Variants in FOXK2 observed in about 807,000 individuals in gnomAD.
FOXK2 encodes the protein forkhead box protein K2.
A neutral mutation model predicts 53.3 loss-of-function variants in FOXK2; 24 were observed. The observed-to-expected ratio is 0.45, with a 90% CI of 0.33 to 0.63. The LOEUF (loss-of-function observed/expected upper bound fraction) is 0.63, where lower values mean the gene tolerates loss of function less well. Among genes scored for constraint, FOXK2 ranks in the 30% least tolerant of loss-of-function variants. FOXK2 has a pLI of 0.03. For missense variants in FOXK2, 952 were observed against 910.5 expected (o/e 1.05, Z -0.59); for synonymous variants, 505 against 407.1 (o/e 1.24, Z -2.89).
At chr17:82,562,323 G>A (rs986868699) in intron 1 of FOXK2, among the ~76,000 whole-genome samples, 1 of 152,212 alleles carries the variant, frequency 6.6e-6, no homozygotes. Flanking sequence ...GCTCACGCCT[G>A]TAATCCCAGC....
chr17:82,533,169 A>C (rs2044488397), intron 1 of FOXK2, among the ~76,000 whole-genome samples: 1 of 152,186 alleles, frequency 6.6e-6, no homozygotes, highest in Non-Finnish European at 1.5e-5. Flanking sequence ...AAATAAGTAG[A>C]AGCAGTATAC....
Position 82,604,521 on chromosome 17 carries a change from T to C in FOXK2, c.*3022T>C, listed in dbSNP as rs1276903143. ...ACTTCCACTATTCTAGAAAGTATAG[T>C]GGTGATTTGTGTGCAAAGATTTGAA... is the stretch of plus-strand genomic sequence containing the variant. On this transcript the variant is annotated 3_prime_UTR_variant, in exon 9 of 9. Coordinates refer to ENST00000335255, the MANE Select transcript of FOXK2 (RefSeq NM_004514.4). 6.6e-6 allele frequency: 1 copy of C among 152,594 alleles called. No individual in the cohort carries two copies. The highest frequency in any genetic ancestry group is 1.5e-5 in the Non-Finnish European group (1 of 68,030). The allele number at this position is 152,594 out of a possible 1,614,324, so 9.5% of individuals were successfully genotyped here.
intron 1 of FOXK2, among the ~76,000 whole-genome samples, chr17:82,539,871 C>T (rs543688820): frequency 1.3e-5 from 2 of 151,368 alleles, no homozygotes; most frequent in East Asian, 3.9e-4. Context: ...GAGGCAGAGG[C>T]AGGAGAATCT....
chr17:82,541,699 A>G (rs2044576112), intron 1 of FOXK2, among the ~76,000 whole-genome samples: 1 of 151,524 alleles, frequency 6.6e-6, no homozygotes, highest in Non-Finnish European at 1.5e-5. Flanking sequence ...TACCTGTTTC[A>G]AGAGGTAGGA....
intron 2 of FOXK2, 71 bp from the exon 3 acceptor site, chr17:82,567,983 C>T: frequency 8.2e-7 from 1 of 1,221,234 alleles, no homozygotes; most frequent in Non-Finnish European, 1.1e-6. Context: ...GTAATTAAAG[C>T]CAGTTGCTGA....
intron 4 of FOXK2, 148 bp downstream of exon 4, chr17:82,572,018 C>T (rs375892673): frequency 9.6e-5 from 65 of 674,326 alleles, no homozygotes; most frequent in East Asian, 5.0e-4. Flanking sequence ...AGTTGGGGGC[C>T]GGTGCTGCCA....
intron 1 of FOXK2, among the ~76,000 whole-genome samples, chr17:82,549,453 C>G (rs1444903953): frequency 6.6e-6 from 1 of 150,942 alleles, no homozygotes; most frequent in African/African-American, 2.4e-5. Flanking sequence ...GGAGAGGGGC[C>G]AAAACCCCCA....
intron 1 of FOXK2, among the ~76,000 whole-genome samples, chr17:82,552,962 G>A (rs1178379743): frequency 1.3e-5 from 2 of 152,244 alleles, no homozygotes; most frequent in African/African-American, 4.8e-5. Context: ...TTTGGAGACA[G>A]TCTTGCTCTG....
intron 1 of FOXK2, among the ~76,000 whole-genome samples, chr17:82,559,663 C>G (rs2044772121): frequency 6.7e-6 from 1 of 150,058 alleles, no homozygotes; most frequent in Non-Finnish European, 1.5e-5. Flanking sequence ...TACACACACA[C>G]CACCCCCCAC....
intron 1 of FOXK2, among the ~76,000 whole-genome samples, chr17:82,545,251 G>A (rs943934182): frequency 2.0e-5 from 3 of 152,054 alleles, no homozygotes; most frequent in Admixed American, 6.6e-5. Flanking sequence ...TCCCAGCCAG[G>A]GCCTCCCACT....
At chr17:82,560,178 T>G (rs1463908147) in intron 1 of FOXK2, among the ~76,000 whole-genome samples, 1 of 151,900 alleles carries the variant, frequency 6.6e-6, no homozygotes, top group Non-Finnish European at 1.5e-5. Context: ...GCTTATTTTT[T>G]TTTGTATTTT....
At chr17:82,575,925 T>C (rs62078138) in intron 4 of FOXK2, among the ~76,000 whole-genome samples, 27,417 of 101,308 alleles carry the variant, frequency 0.27, 2,715 homozygotes, top group East Asian at 0.39. Flanking sequence ...CGTGTGTGCT[T>C]GGGTGGCGGC....
intron 1 of FOXK2, among the ~76,000 whole-genome samples, chr17:82,562,959 C>G (rs2044812812): frequency 6.6e-6 from 1 of 152,014 alleles, no homozygotes; most frequent in African/African-American, 2.4e-5. Flanking sequence ...GCATGCACCA[C>G]CACGCCTGGC....
rs1350630678 is a variant in FOXK2, at chr17:82,601,295, C to A, written c.1787-8C>A. 2 of 1,607,136 alleles carry A rather than the reference C, an allele frequency of 1.2e-6. No homozygotes were observed. The highest frequency in any genetic ancestry group is 1.3e-5 in the African/African-American group (1 of 74,826). Reference sequence around the variant, plus strand: ...GCGTGGGGTTCTGACTCCCTCGTGTCATTTCAGCCGCGGCGAGTCCTTTGC... The same window carrying A: ...GCGTGGGGTTCTGACTCCCTCGTGTAATTTCAGCCGCGGCGAGTCCTTTGC... On this transcript the variant is annotated splice_region_variant and splice_polypyrimidine_tract_variant and intron_variant, in intron 8 of 8. Transcript: ENST00000335255.
chr17:82,520,212 C>G lies in FOXK2; in HGVS notation c.324C>G (p.Gly108=). The change falls in exon 1 of 9, where the codon GGC becomes GGG. Residue 108 remains glycine, a synonymous_variant. Transcript: ENST00000335255. The stretch of plus-strand genomic sequence containing the variant: ...CCGCGCAGCCCAGGCCCGACGCCGG[C>G]GGCGACTTCTACCTGCGCTGCTTGG... ...LPPAQPRPDA[G]GDFYLRCLGK... 7.5e-7 allele frequency: 1 copy of G among 1,326,346 alleles called. No individual in the cohort carries two copies. The highest frequency in any genetic ancestry group is 9.6e-7 in the Non-Finnish European group (1 of 1,039,470). 82.2% of individuals were successfully genotyped at this position (1,326,346 alleles called of 1,614,324 possible).
chr17:82,570,390 G>A (rs1012661511), intron 3 of FOXK2, among the ~76,000 whole-genome samples: 3 of 152,298 alleles, frequency 2.0e-5, no homozygotes, highest in South Asian at 2.1e-4. Flanking sequence ...CTGCTGGGGC[G>A]GCTGAGGTGG....
intron 1 of FOXK2, among the ~76,000 whole-genome samples, chr17:82,522,640 C>G (rs9898189): frequency 0.61 from 91,697 of 151,422 alleles, 28,240 homozygotes; most frequent in South Asian, 0.79. Flanking sequence ...CAAAGTGCTG[C>G]GATTACAGGC....
At position 82,603,954 on chromosome 17, in the gene FOXK2, C is replaced by A. The variant is rs1003545912; in HGVS notation, c.*2455C>A. ...CTTGCCCGTCTTTAAGGCACTGTTTCTAAATTTTGAACTTAGCTCTGAATC... is the reference window on the plus strand; with the variant it reads ...CTTGCCCGTCTTTAAGGCACTGTTTATAAATTTTGAACTTAGCTCTGAATC... On this transcript the variant is annotated 3_prime_UTR_variant, in exon 9 of 9. Coordinates refer to ENST00000335255, the MANE Select transcript of FOXK2 (RefSeq NM_004514.4). 1 of 152,210 alleles carries A rather than the reference C, an allele frequency of 6.6e-6. No homozygotes were observed. Among genetic ancestry groups the A allele is most frequent in the Admixed American group, 6.5e-5 (1 of 15,288 alleles). 9.4% of individuals were successfully genotyped at this position (152,210 alleles called of 1,614,324 possible). A position where few individuals can be genotyped will look rare whatever the true frequency, so the allele number is the denominator to read the frequency against.
At chr17:82,555,749 G>A (rs1013344300) in intron 1 of FOXK2, among the ~76,000 whole-genome samples, 5 of 149,872 alleles carry the variant, frequency 3.3e-5, no homozygotes, top group South Asian at 4.2e-4. Context: ...AAAAATTGGC[G>A]TGGGGGCGGG....
Sources: allele counts gnomAD v4.1 joint callset (sites outside exome capture counted in the v4.1 genomes callset), GRCh38; gene constraint gnomAD v4.1.1; transcripts MANE v1.5; gene names NCBI Gene and HGNC (gene_info 2026-07-23, HGNC 2026-07-21).